Variants in C1orf105 observed in about 807,000 individuals in gnomAD.
C1orf105 encodes uncharacterized protein C1orf105.
C1orf105 carries 17 observed loss-of-function variants against 20.8 expected under a neutral mutation model. The ratio of observed to expected loss-of-function variants is 0.82; its 90% CI spans 0.56 to 1.23. The LOEUF (loss-of-function observed/expected upper bound fraction) is 1.23. C1orf105 is among the 50% of genes most tolerant of loss of function. The pLI is 0.00. For synonymous variants in C1orf105, 72 were observed against 72.1 expected (o/e 1.00, Z 0.01); for missense variants, 219 against 213.5 (o/e 1.03, Z -0.16).
chr1:172,436,052 CAAG>C (rs1437547242), intron 1 of C1orf105, among the ~76,000 whole-genome samples: 2 of 152,138 alleles, frequency 1.3e-5, no homozygotes, highest in African/African-American at 4.8e-5. Context: ...AGGACCTCTT[CAAG>C]AAGAACTACA....
chr1:172,449,650 A>G (rs1405649014), intron 3 of C1orf105, among the ~76,000 whole-genome samples: 1 of 152,172 alleles, frequency 6.6e-6, no homozygotes, highest in East Asian at 1.9e-4. Flanking sequence ...AACAGACAAG[A>G]GCAGAGAGGA....
At chr1:172,462,596 A>G (rs1649776309) in intron 5 of C1orf105, among the ~76,000 whole-genome samples, 2 of 152,226 alleles carry the variant, frequency 1.3e-5, no homozygotes, top group South Asian at 4.1e-4. Context: ...GGGATTACAC[A>G]TAATCTTTCC....
intron 1 of C1orf105, chr1:172,442,615 G>A (rs773913585): frequency 6.2e-7 from 1 of 1,611,022 alleles, no homozygotes; most frequent in East Asian, 2.2e-5. Flanking sequence ...CACAGGTTGA[G>A]CATACATTAT....
At chr1:172,439,129 A>G (rs143020971) in intron 1 of C1orf105, among the ~76,000 whole-genome samples, 2 of 152,296 alleles carry the variant, frequency 1.3e-5, no homozygotes, top group East Asian at 3.9e-4. Context: ...CAGTATCTCC[A>G]AAGTATGCCT....
intron 4 of C1orf105, among the ~76,000 whole-genome samples, chr1:172,459,260 A>G (rs369837011): frequency 1.3e-4 from 20 of 152,286 alleles, no homozygotes; most frequent in African/African-American, 4.6e-4. Flanking sequence ...AGACAACCCA[A>G]ATATTTGCAA....
At chr1:172,466,573 TACACACACACACACAC>T (rs3980398) in intron 6 of C1orf105, among the ~76,000 whole-genome samples, 97,272 of 147,174 alleles carry the variant, frequency 0.66, 32,276 homozygotes, top group East Asian at 0.94. Context: ...ATGAATCACA[TACACACACACACACAC>T]ACACACACAC....
chr1:172,445,192 C>G (rs199500420), intron 2 of C1orf105, 34 bp downstream of exon 2: 1 of 1,498,850 alleles, frequency 6.7e-7, no homozygotes, highest in Admixed American at 1.8e-5. Flanking sequence ...AAAAGTTTTA[C>G]GAAACATCTC....
intron 4 of C1orf105, among the ~76,000 whole-genome samples, chr1:172,459,862 T>C (rs1284754811): frequency 6.6e-6 from 1 of 152,160 alleles, no homozygotes; most frequent in Non-Finnish European, 1.5e-5. Flanking sequence ...AGAATATTAA[T>C]CATAAAAAAG....
In C1orf105 at chr1:172,465,294, A is replaced by C; in HGVS notation, c.342-5A>C. 1 of 1,607,400 alleles carries C rather than the reference A, an allele frequency of 6.2e-7. No individual in the cohort carries two copies. Among genetic ancestry groups the C allele is most frequent in the South Asian group, 1.1e-5 (1 of 90,744 alleles). On this transcript the variant is annotated splice_region_variant and splice_polypyrimidine_tract_variant and intron_variant, in intron 5 of 6. Transcript: ENST00000367727. ...CTAATGTGTTTTCTTGTTTCTTCCA[A>C]TCAGAATGAGTCTTCATCAACCCAA...
intron 4 of C1orf105, among the ~76,000 whole-genome samples, chr1:172,461,271 A>G (rs1178298497): frequency 1.3e-5 from 2 of 152,272 alleles, no homozygotes; most frequent in East Asian, 3.9e-4. Context: ...TAGCCTTTGC[A>G]TTCAGTTTTT....
rs932522559 is a variant in C1orf105, at chr1:172,420,694, A to C, written c.-192A>C. 1.7e-6 allele frequency: 1 copy of C among 596,224 alleles called. No homozygotes were observed. The highest frequency in any genetic ancestry group is 1.9e-5 in the African/African-American group (1 of 52,638). The allele number at this position is 596,224 out of a possible 1,614,324, so 36.9% of individuals were successfully genotyped here. A position where few individuals can be genotyped will look rare whatever the true frequency, so the allele number is the denominator to read the frequency against. ...TGGAATTATATGATTCAAGATGTAA[A>C]TCACACAGATGTTGGTAGAGAAAAA... On this transcript the variant is annotated 5_prime_UTR_variant, in exon 1 of 7. Transcript: ENST00000367727.
chr1:172,463,470 G>A (rs1301510185), intron 5 of C1orf105, among the ~76,000 whole-genome samples: 1 of 152,212 alleles, frequency 6.6e-6, no homozygotes, highest in Admixed American at 6.5e-5. Flanking sequence ...GGCCAAGGTA[G>A]ACAAAGTTAT....
intron 1 of C1orf105, chr1:172,431,344 A>C (rs6702667): frequency 0.63 from 224,737 of 358,820 alleles, 70,797 homozygotes; most frequent in African/African-American, 0.69. Flanking sequence ...AGATAAAGTT[A>C]TAGTGGTCTG....
At chr1:172,458,433 A>C (rs1649464187) in intron 4 of C1orf105, among the ~76,000 whole-genome samples, 1 of 152,186 alleles carries the variant, frequency 6.6e-6, no homozygotes, top group Non-Finnish European at 1.5e-5. Flanking sequence ...CAACCCAAAA[A>C]TGAAGAAAAC....
At chr1:172,456,580 G>A (rs1047491826) in intron 4 of C1orf105, 91 bp downstream of exon 4, 23 of 1,271,326 alleles carry the variant, frequency 1.8e-5, no homozygotes, top group Admixed American at 5.4e-5. Flanking sequence ...AGATAGTGAC[G>A]GGGCCCGTTG....
In C1orf105 at chr1:172,448,486, T is replaced by A. The variant is rs1239947169; in HGVS notation, c.153T>A (p.Asn51Lys). ...SATFLTSSKK[N>K]MNLPILFQVP... ...CTTTTCTGACTTCATCCAAGAAGAA[T>A]ATGAATTTGCCAATTTTGTTTCAAG... is the stretch of plus-strand genomic sequence containing the variant. The change falls in exon 3 of 7, where the codon AAT (asparagine) becomes AAA (lysine). Residue 51 changes from asparagine (N) to lysine (K), a missense_variant. Asn to Lys is a moderately conservative substitution (Grantham distance 94). Transcript: ENST00000367727. The A allele has an allele frequency of 6.2e-7, 1 of 1,613,646 alleles. No homozygotes were observed. The highest frequency in any genetic ancestry group is 8.5e-7 in the Non-Finnish European group (1 of 1,179,666).
At chr1:172,440,336 T>C (rs956826158) in intron 1 of C1orf105, among the ~76,000 whole-genome samples, 5 of 152,230 alleles carry the variant, frequency 3.3e-5, no homozygotes, top group Admixed American at 6.5e-5. Context: ...TTCTTACATG[T>C]CAGCTTAAAC....
In C1orf105 at chr1:172,430,992, T is replaced by C. The variant is rs191687236; in HGVS notation, c.21+10086T>C. 1.2e-5 allele frequency: 6 copies of C among 508,940 alleles called. No homozygotes were observed. In the East Asian group the frequency reaches 1.6e-4, roughly 13 times the overall value. 31.5% of individuals were successfully genotyped at this position (508,940 alleles called of 1,614,324 possible). A position where few individuals can be genotyped will look rare whatever the true frequency, so the allele number is the denominator to read the frequency against. On this transcript the variant is annotated intron_variant, in intron 1 of 6. Transcript: ENST00000367727. The stretch of plus-strand genomic sequence containing the variant: ...TATAAGAGGGCAAACTTAGTGGATA[T>C]GTGTGTGTGTTCTGACTGCTCCACT...
intron 6 of C1orf105, among the ~76,000 whole-genome samples, chr1:172,467,332 A>AT (rs1270783415): frequency 5.3e-5 from 8 of 152,072 alleles, no homozygotes; most frequent in Admixed American, 4.6e-4. Flanking sequence ...GATTGCTAGC[A>AT]TTTTTTTCTG....
Sources: gnomAD v4.1 joint callset for allele counts (sites outside exome capture counted in the v4.1 genomes callset) on GRCh38, gnomAD v4.1.1 for gene constraint, MANE v1.5 for transcripts, NCBI Gene and HGNC (gene_info 2026-07-23, HGNC 2026-07-21) for gene names.